The following DNAJC10 variants were observed in gnomAD, a reference collection of about 807,000 sequenced individuals.
The protein encoded by DNAJC10 is endoplasmic reticulum disulfide reductase DNAJC10.
Under a neutral mutation model 115.0 loss-of-function variants are expected in DNAJC10, and 101 were observed. The observed-to-expected ratio is 0.88, with a 90% CI of 0.75 to 1.04. The LOEUF (loss-of-function observed/expected upper bound fraction) is 1.04, where lower values mean the gene tolerates loss of function less well. Among genes scored for constraint, DNAJC10 ranks in the 50% least tolerant of loss-of-function variants. The probability of loss-of-function intolerance (pLI) is 0.00; values close to 1 mark genes in which losing one functional copy is unlikely to be tolerated. For missense variants in DNAJC10, 981 were observed against 928.8 expected (o/e 1.06, Z -0.73); for synonymous variants, 307 against 301.5 (o/e 1.02, Z -0.19).
intron 8 of DNAJC10, 75 bp downstream of exon 8, chr2:182,730,016 A>C (rs1041708444): frequency 2.1e-6 from 2 of 946,060 alleles, no homozygotes; most frequent in Non-Finnish European, 3.3e-6. Context: ...TGGCAATATT[A>C]ACATTTTGGT....
chr2:182,718,006 C>G lies in DNAJC10; in HGVS notation c.-81C>G. 9.6e-7 allele frequency: 1 copy of G among 1,038,914 alleles called. No homozygotes were observed. Among genetic ancestry groups the G allele is most frequent in the South Asian group, 1.8e-5 (1 of 54,512 alleles). The allele number at this position is 1,038,914 out of a possible 1,614,324, so 64.4% of individuals were successfully genotyped here. ...CCTTGAAGTAATGTAGACAGAAGTT[C>G]TCAAATTTGCATATTACATCAACTG... On this transcript the variant is annotated 5_prime_UTR_variant, in exon 3 of 24. Transcript: ENST00000264065.
chr2:182,739,591 A>G, intron 11 of DNAJC10: 1 of 1,203,224 alleles, frequency 8.3e-7, no homozygotes, highest in Non-Finnish European at 1.1e-6. Context: ...GAGTTATATG[A>G]CAAAATATGC....
In DNAJC10 at chr2:182,720,185, A is replaced by G. The variant is rs377016343; in HGVS notation, c.367+16A>G. ...TATGATTTTGGTAAGGTGATACGAT[A>G]TTACTTATGAAATGTGTTTTATCTG... On this transcript the variant is annotated intron_variant, in intron 4 of 23. Coordinates refer to ENST00000264065, the MANE Select transcript of DNAJC10 (RefSeq NM_018981.4). The G allele has an allele frequency of 2.9e-5, 46 of 1,589,894 alleles. No individual in the cohort carries two copies. The highest frequency in any genetic ancestry group is 3.7e-5 in the Non-Finnish European group (43 of 1,168,316).
intron 11 of DNAJC10, among the ~76,000 whole-genome samples, chr2:182,738,240 T>A (rs1693635108): frequency 6.6e-6 from 1 of 151,964 alleles, no homozygotes; most frequent in Non-Finnish European, 1.5e-5. Context: ...GTGCACTTTT[T>A]CAGTTATCTG....
At chr2:182,774,301 G>T (rs1694646087) in intron 22 of DNAJC10, among the ~76,000 whole-genome samples, 1 of 152,216 alleles carries the variant, frequency 6.6e-6, no homozygotes, top group Non-Finnish European at 1.5e-5. Context: ...GCTACATGGG[G>T]ATCAGGGACT....
chr2:182,740,463 C>T, intron 12 of DNAJC10, 75 bp downstream of exon 12: 2 of 1,369,704 alleles, frequency 1.5e-6, no homozygotes, highest in Non-Finnish European at 2.0e-6. Flanking sequence ...TTAAAATTAG[C>T]ATTTGTTTTA....
intron 22 of DNAJC10, among the ~76,000 whole-genome samples, chr2:182,768,839 A>T (rs143431608): frequency 1.3e-3 from 194 of 152,268 alleles, no homozygotes; most frequent in Non-Finnish European, 1.7e-3. Context: ...GTTTGTTTTA[A>T]TTATACTCTA....
intron 22 of DNAJC10, among the ~76,000 whole-genome samples, chr2:182,765,602 C>G (rs548079246): frequency 1.3e-5 from 2 of 152,254 alleles, no homozygotes; most frequent in South Asian, 4.1e-4. Context: ...CCTGTTGATT[C>G]AATTTCTTTA....
chr2:182,754,736 A>G, intron 16 of DNAJC10: 8 of 1,158,230 alleles, frequency 6.9e-6, no homozygotes, highest in Non-Finnish European at 8.5e-6. Flanking sequence ...ATAATTACCC[A>G]TGCCGATTTC....
chr2:182,755,695 G>C (rs1694140042), intron 17 of DNAJC10, among the ~76,000 whole-genome samples: 1 of 152,116 alleles, frequency 6.6e-6, no homozygotes, highest in Admixed American at 6.5e-5. Flanking sequence ...CTGTAGAAAG[G>C]TGTAGTATCT....
At chr2:182,768,953 C>T (rs1464824376) in intron 22 of DNAJC10, among the ~76,000 whole-genome samples, 1 of 152,042 alleles carries the variant, frequency 6.6e-6, no homozygotes, top group Non-Finnish European at 1.5e-5. Flanking sequence ...TTAGGTATTT[C>T]TCCTAATGCT....
chr2:182,718,289 C>T lies in DNAJC10; in HGVS notation c.203C>T (p.Pro68Leu), dbSNP rs1168216180. 10 of 1,586,060 alleles carry T rather than the reference C, an allele frequency of 6.3e-6. No individual in the cohort carries two copies. Among genetic ancestry groups the T allele is most frequent in the Middle Eastern group, 1.8e-4 (1 of 5,628 alleles). The part of the protein sequence containing the change: ...LALKLHPDKN[P>L]NNPNAHGDFL... ...TTGAAGTTACATCCTGATAAAAACCCGGTAGGTAAACGTTTGTTTTTAAAA... is the reference window on the plus strand; with the variant it reads ...TTGAAGTTACATCCTGATAAAAACCTGGTAGGTAAACGTTTGTTTTTAAAA... The change falls in exon 3 of 24, where the codon CCG becomes CTG. Residue 68 changes from proline (P) to leucine (L), a missense_variant and splice_region_variant. Pro to Leu is a moderately conservative substitution (Grantham distance 98, BLOSUM62 -3). Transcript: ENST00000264065.
At chr2:182,733,560 C>T (rs1344555386) in intron 10 of DNAJC10, among the ~76,000 whole-genome samples, 2 of 151,226 alleles carry the variant, frequency 1.3e-5, no homozygotes, top group Non-Finnish European at 3.0e-5. Context: ...CTATATTTTT[C>T]CTTTCCAGTA....
chr2:182,736,778 T>C (rs1559005044), intron 11 of DNAJC10, among the ~76,000 whole-genome samples: 1 of 152,182 alleles, frequency 6.6e-6, no homozygotes, highest in East Asian at 1.9e-4. Flanking sequence ...AGATGGAATC[T>C]CACTCTTGTC....
In DNAJC10 at chr2:182,762,758, G is replaced by A; in HGVS notation, c.2222G>A (p.Arg741Lys). 6.2e-7 allele frequency: 1 copy of A among 1,612,566 alleles called. No individual in the cohort carries two copies. The highest frequency in any genetic ancestry group is 1.1e-5 in the South Asian group (1 of 91,042). ...CAGACATGCCAGAAAGCTGGGATCA[G>A]GGCCTATCCAACTGTTAAATTTTAT... ...YAQTCQKAGI[R>K]AYPTVKFYFY... The change falls in exon 22 of 24, where the codon AGG (arginine) becomes AAG (lysine). Residue 741 changes from arginine (R) to lysine (K), a missense_variant. Arg to Lys is a conservative substitution (Grantham distance 26). Coordinates refer to ENST00000264065, the MANE Select transcript of DNAJC10 (RefSeq NM_018981.4).
At chr2:182,740,113 A>G (rs1693694095) in intron 11 of DNAJC10, 186 bp from the exon 12 acceptor site, 1 of 1,127,610 alleles carries the variant, frequency 8.9e-7, no homozygotes, top group Non-Finnish European at 1.1e-6. Flanking sequence ...GCTTAGTTAT[A>G]TAATATTTTT....
intron 4 of DNAJC10, among the ~76,000 whole-genome samples, chr2:182,721,051 C>T (rs1241549623): frequency 6.6e-6 from 1 of 151,910 alleles, no homozygotes; most frequent in East Asian, 1.9e-4. Flanking sequence ...AGTAAAGGAA[C>T]TAAGGAAGAG....
Position 182,729,874 on chromosome 2 carries a change from A to C in DNAJC10, c.660A>C (p.Arg220Ser). ...CCCCAGTGAAATATCATGGAGACAG[A>C]TCAAAGGAGAGTTTAGTGAGTTTTG... is the stretch of plus-strand genomic sequence containing the variant. ...GMAPVKYHGD[R>S]SKESLVSFAM... Residue 220 changes from arginine to serine, a missense_variant, in exon 8 of 24, where the codon AGA (arginine) becomes AGC (serine). Physicochemically the swap from Arg to Ser is moderately radical, Grantham distance 110. Transcript: ENST00000264065. 1 of 1,611,030 alleles carries C rather than the reference A, an allele frequency of 6.2e-7. No homozygotes were observed. The highest frequency in any genetic ancestry group is 8.5e-7 in the Non-Finnish European group (1 of 1,178,634).
intron 23 of DNAJC10, among the ~76,000 whole-genome samples, chr2:182,776,740 A>C (rs1694716815): frequency 6.6e-6 from 1 of 152,184 alleles, no homozygotes; most frequent in Non-Finnish European, 1.5e-5. Flanking sequence ...ATGTTTTTCT[A>C]GTGTTTCGCT....
Sources: allele counts gnomAD v4.1 joint callset (sites outside exome capture counted in the v4.1 genomes callset), GRCh38; gene constraint gnomAD v4.1.1; transcripts MANE v1.5; gene names NCBI Gene and HGNC (gene_info 2026-07-23, HGNC 2026-07-21).